OXSR1: variants seen among roughly 807,000 people sequenced by gnomAD.
The protein encoded by OXSR1 is oxidative stress responsive kinase 1.
Under a neutral mutation model 79.8 loss-of-function variants are expected in OXSR1, and 24 were observed. The observed-to-expected ratio is 0.30, with a 90% CI of 0.22 to 0.42. OXSR1 has a LOEUF of 0.42. Among genes scored for constraint, OXSR1 ranks in the 10% least tolerant of loss-of-function variants. The pLI, the probability that OXSR1 is intolerant of heterozygous loss-of-function variation, is 1.00. For synonymous variants in OXSR1, 226 were observed against 209.2 expected (o/e 1.08, Z -0.69); for missense variants, 430 against 618.4 (o/e 0.70, Z 3.23).
At chr3:38,172,641 G>A (rs531214123) in intron 1 of OXSR1, among the ~76,000 whole-genome samples, 10 of 152,166 alleles carry the variant, frequency 6.6e-5, no homozygotes, top group South Asian at 6.2e-4. Flanking sequence ...TACCTTTAGC[G>A]CCTCCATAAA....
chr3:38,191,758 T>TGTGAGATGA (rs3058797), intron 3 of OXSR1, among the ~76,000 whole-genome samples: 72,685 of 151,636 alleles, frequency 0.48, 17,794 homozygotes, highest in Middle Eastern at 0.64. Context: ...GCAAGTAATC[T>TGTGAGATGA]TACTTTGTAA....
intron 2 of OXSR1, among the ~76,000 whole-genome samples, chr3:38,189,650 G>A (rs1553633992): frequency 1.3e-5 from 2 of 152,168 alleles, no homozygotes; most frequent in Admixed American, 6.5e-5. Flanking sequence ...TAGGTGAAAA[G>A]CCTTATAAAG....
Position 38,165,959 on chromosome 3 carries a change from G to C in OXSR1, c.70+13G>C, listed in dbSNP as rs373962756. ...CAGGAGGTGATCGGTGAGAGCAGGC[G>C]CTGCGGAGGGGGGAGGCGCGGCGCT... On this transcript the variant is annotated intron_variant, in intron 1 of 17. Transcript: ENST00000311806. The C allele has an allele frequency of 2.2e-5, 36 of 1,607,958 alleles. No homozygotes were observed. The highest frequency in any genetic ancestry group is 2.9e-5 in the Non-Finnish European group (34 of 1,177,490).
In OXSR1 at chr3:38,201,707, C is replaced by CA. The variant is rs112015179; in HGVS notation, c.434+2854dup. 3.4e-3 allele frequency among the ~76,000 whole-genome samples: 497 copies of CA among 147,076 alleles called. 5 individuals are homozygous for CA. The highest frequency in any genetic ancestry group is 8.4e-3 in the African/African-American group (336 of 39,976). ...CTTAGGCGACAGAGCGAGAGTGTCT[C>CA]AAAAAAAAAATCCAGATATGGTGGT... On this transcript the variant is annotated intron_variant, in intron 4 of 17. Coordinates refer to ENST00000311806, the MANE Select transcript of OXSR1 (RefSeq NM_005109.3).
At chr3:38,249,145 TTCA>T (rs1301404811) in intron 14 of OXSR1, among the ~76,000 whole-genome samples, 2 of 152,214 alleles carry the variant, frequency 1.3e-5, no homozygotes, top group Non-Finnish European at 2.9e-5. Flanking sequence ...AAGTATATTA[TTCA>T]TCAAATAGAA....
At chr3:38,165,496 G>T (rs2125794546), upstream of OXSR1, 1 of 239,124 alleles carries the variant, frequency 4.2e-6, no homozygotes, top group East Asian at 1.1e-4. Flanking sequence ...AGTGACGTCA[G>T]CGCGCTGCGT....
intron 15 of OXSR1, among the ~76,000 whole-genome samples, chr3:38,251,033 G>C (rs1000811560): frequency 1.3e-5 from 2 of 152,164 alleles, no homozygotes; most frequent in Non-Finnish European, 2.9e-5. Flanking sequence ...AAAAAACTTG[G>C]AGTATGATTC....
At chr3:38,229,797 T>A in intron 9 of OXSR1, 62 bp downstream of exon 9, 2 of 1,221,116 alleles carry the variant, frequency 1.6e-6, no homozygotes, top group Non-Finnish European at 2.4e-6. Context: ...ACTCAGATTA[T>A]GTTCAGTGCT....
Position 38,202,504 on chromosome 3 carries a change from C to G in OXSR1, c.434+3641C>G, listed in dbSNP as rs118154825. Among the ~76,000 whole-genome samples the G allele has an allele frequency of 2.1e-3, 317 of 152,260 alleles. 4 individuals are homozygous for G. In the East Asian group the frequency reaches 0.029, roughly 14 times the overall value. Reference sequence around the variant, plus strand: ...AAGCAGTCCTCCTGCCCAAGCCTCTCTAGTAGCTGGAACTACAGGCATGTG... The same window carrying G: ...AAGCAGTCCTCCTGCCCAAGCCTCTGTAGTAGCTGGAACTACAGGCATGTG... On this transcript the variant is annotated intron_variant, in intron 4 of 17. Coordinates refer to ENST00000311806, the MANE Select transcript of OXSR1 (RefSeq NM_005109.3).
Position 38,246,091 on chromosome 3 carries a change from A to C in OXSR1, c.1127A>C (p.Asp376Ala), listed in dbSNP as rs1703135708. The change falls in exon 13 of 18, where the codon GAT becomes GCT. Residue 376 changes from aspartate to alanine, a missense_variant. This residue lies in a region of OXSR1 where 276 missense variants were observed against 354.2 expected (regional missense o/e 0.78). Coordinates refer to ENST00000311806, the MANE Select transcript of OXSR1 (RefSeq NM_005109.3). ...ISNSELFPTT[D>A]PVGTLLQVPE... is the part of the protein sequence containing the mutation. The stretch of plus-strand genomic sequence containing the variant: ...TTGTTACAGCTCTTTCCAACAACTG[A>C]TCCTGTGGGTACTTTGCTCCAAGTT... The C allele has an allele frequency of 1.2e-6, 2 of 1,613,704 alleles. No homozygotes were observed. Among genetic ancestry groups the C allele is most frequent in the Non-Finnish European group, 1.7e-6 (2 of 1,179,734 alleles).
chr3:38,226,508 G>A (rs1290077966), intron 8 of OXSR1, among the ~76,000 whole-genome samples: 1 of 151,812 alleles, frequency 6.6e-6, no homozygotes, highest in African/African-American at 2.4e-5. Context: ...GTATGAAAAA[G>A]GAAAAATAGC....
intron 11 of OXSR1, among the ~76,000 whole-genome samples, chr3:38,239,201 A>C (rs1342695157): frequency 1.3e-5 from 2 of 152,078 alleles, no homozygotes; most frequent in Non-Finnish European, 2.9e-5. Flanking sequence ...TTCTCTTCTA[A>C]TTCTAACATC....
intron 1 of OXSR1, among the ~76,000 whole-genome samples, chr3:38,169,930 A>T (rs1701544916): frequency 6.6e-6 from 1 of 151,810 alleles, no homozygotes; most frequent in South Asian, 2.1e-4. Flanking sequence ...GGGTTTCGCC[A>T]CATTTCCCAG....
chr3:38,236,707 T>C (rs1247164567), intron 10 of OXSR1, 132 bp from the exon 11 acceptor site: 1 of 779,358 alleles, frequency 1.3e-6, no homozygotes, highest in African/African-American at 1.8e-5. Context: ...TATGAATTTG[T>C]ATGGGAACAT....
chr3:38,200,261 G>A (rs901940392), intron 4 of OXSR1, among the ~76,000 whole-genome samples: 1 of 152,050 alleles, frequency 6.6e-6, no homozygotes, highest in Non-Finnish European at 1.5e-5. Flanking sequence ...GAGAGAGAGA[G>A]CAGGCTTGGG....
chr3:38,192,431 C>G (rs1702001381), intron 3 of OXSR1, among the ~76,000 whole-genome samples: 1 of 152,182 alleles, frequency 6.6e-6, no homozygotes, highest in South Asian at 2.1e-4. Flanking sequence ...GTGCTCATTA[C>G]TACTTCATTG....
intron 1 of OXSR1, among the ~76,000 whole-genome samples, chr3:38,166,850 A>G (rs1701474450): frequency 1.3e-5 from 2 of 151,228 alleles, no homozygotes; most frequent in Non-Finnish European, 2.9e-5. Flanking sequence ...TGAAGGAGAT[A>G]AACAAGATGT....
chr3:38,209,568 C>G (rs1702342588), intron 4 of OXSR1, among the ~76,000 whole-genome samples: 1 of 150,882 alleles, frequency 6.6e-6, no homozygotes, highest in Non-Finnish European at 1.5e-5. Flanking sequence ...CCGGCCTCTT[C>G]TTTGGTTTCA....
intron 1 of OXSR1, among the ~76,000 whole-genome samples, chr3:38,181,442 G>A (rs1342821119): frequency 1.4e-5 from 2 of 144,402 alleles, no homozygotes; most frequent in African/African-American, 2.6e-5. Context: ...TGCAACCTCC[G>A]CCTCCCAGGT....
Sources: gnomAD v4.1 joint callset for allele counts (sites outside exome capture counted in the v4.1 genomes callset) on GRCh38, gnomAD v4.1.1 for gene constraint, gnomAD v4.1.1 regional missense constraint, MANE v1.5 for transcripts, NCBI Gene and HGNC (gene_info 2026-07-23, HGNC 2026-07-21) for gene names.